Variants in LIPG observed in about 807,000 individuals in gnomAD.
LIPG encodes the protein endothelial lipase.
LIPG carries 34 observed loss-of-function variants against 51.8 expected under a neutral mutation model. The observed-to-expected ratio is 0.66, with a 90% CI of 0.50 to 0.87. The LOEUF (loss-of-function observed/expected upper bound fraction) is 0.87. LIPG is among the 40% of genes least tolerant of loss of function. LIPG has a pLI of 0.00. For missense variants in LIPG, 580 were observed against 652.7 expected, an observed-to-expected ratio of 0.89 and a Z score of 1.21; for synonymous variants, 246 against 246.1, an observed-to-expected ratio of 1.00 and a Z score of 0.00.
At position 49,592,777 on chromosome 18, in the gene LIPG, A is replaced by T. The variant is rs2084958287; in HGVS notation, c.*2255A>T. ...ATAATGATGCTTTTTAAAAAATGCT[A>T]TTTGGAAGACTATTTATTTCTCGTG... On this transcript the variant is annotated 3_prime_UTR_variant, in exon 10 of 10. Coordinates refer to ENST00000261292, the MANE Select transcript of LIPG (RefSeq NM_006033.4). 1 of 152,204 alleles carries T rather than the reference A, an allele frequency of 6.6e-6. No individual in the cohort carries two copies. Among genetic ancestry groups the T allele is most frequent in the African/African-American group, 2.4e-5 (1 of 41,542 alleles). The allele number at this position is 152,204 out of a possible 1,614,324, so 9.4% of individuals were successfully genotyped here.
At position 49,586,657 on chromosome 18, in the gene LIPG, C is replaced by A; in HGVS notation, c.1377-89C>A. The A allele has an allele frequency of 4.4e-6, 4 of 917,300 alleles. No homozygotes were observed. The South Asian group carries it at 5.3e-5, about 12-fold the overall frequency. 56.8% of individuals were successfully genotyped at this position (917,300 alleles called of 1,614,324 possible). Reference sequence around the variant, plus strand: ...GCATGGCATGAAAATTTCACCCCTGCCTCCTCACCCATCTGCCTTGAATCT... The same window carrying A: ...GCATGGCATGAAAATTTCACCCCTGACTCCTCACCCATCTGCCTTGAATCT... On this transcript the variant is annotated intron_variant, in intron 8 of 9. Coordinates refer to ENST00000261292, the MANE Select transcript of LIPG (RefSeq NM_006033.4).
At position 49,576,453 on chromosome 18, in the gene LIPG, C is replaced by A. The variant is rs1351270870; in HGVS notation, c.793+863C>A. Among the ~76,000 whole-genome samples, 6 of 40,630 alleles carry A rather than the reference C, an allele frequency of 1.5e-4. No homozygotes were observed. The South Asian group carries it at 2.8e-3, about 19-fold the overall frequency. The allele number at this position is 40,630 out of a possible 152,430, so 26.7% of individuals were successfully genotyped here. ...CTTTTCTTTTTTTAAAAGACAGAAT[C>A]TTGCTTTTTTTTTTTTTTTTTTTTT... On this transcript the variant is annotated intron_variant, in intron 5 of 9. Transcript: ENST00000261292.
At chr18:49,590,390 G>C in intron 9 of LIPG, 111 bp from the exon 10 acceptor site, 1 of 1,090,454 alleles carries the variant, frequency 9.2e-7, no homozygotes, top group Non-Finnish European at 1.4e-6. Context: ...TAGTCCCATA[G>C]GGGTGTCAGA....
chr18:49,591,449 TGCTGGG>T lies in LIPG; in HGVS notation c.*930_*935del, dbSNP rs1381995434. The stretch of plus-strand genomic sequence containing the variant: ...AGAATAGCAAGCAGAGTATCATTCA[TGCTGGG>T]GCCAGAATGATGGCCGGTTGCCAGA... On this transcript the variant is annotated 3_prime_UTR_variant, in exon 10 of 10. Transcript: ENST00000261292. 2 of 152,246 alleles carry T rather than the reference TGCTGGG, an allele frequency of 1.3e-5. No individual in the cohort carries two copies. The highest frequency in any genetic ancestry group is 2.9e-5 in the Non-Finnish European group (2 of 68,044). The allele number at this position is 152,246 out of a possible 1,614,324, so 9.4% of individuals were successfully genotyped here.
At chr18:49,583,426 A>G in intron 7 of LIPG, 130 bp from the exon 8 acceptor site, 1 of 754,752 alleles carries the variant, frequency 1.3e-6, no homozygotes, top group East Asian at 2.6e-5. Flanking sequence ...AGAGGGATAG[A>G]GGTGGGGAAA....
chr18:49,562,263 G>C lies in LIPG; in HGVS notation c.-46G>C. 1.9e-6 allele frequency: 3 copies of C among 1,612,180 alleles called. No individual in the cohort carries two copies. Among genetic ancestry groups the C allele is most frequent in the Non-Finnish European group, 2.5e-6 (3 of 1,179,936 alleles). On this transcript the variant is annotated 5_prime_UTR_variant, in exon 1 of 10. Coordinates refer to ENST00000261292, the MANE Select transcript of LIPG (RefSeq NM_006033.4). Reference sequence around the variant, plus strand: ...CTGGAAACACCAAGAGGTGGTTTTTGTTTTTTAAAACTTCTGTTTCTTGGG... The same window carrying C: ...CTGGAAACACCAAGAGGTGGTTTTTCTTTTTTAAAACTTCTGTTTCTTGGG...
intron 9 of LIPG, 26 bp downstream of exon 9, chr18:49,586,876 C>A: frequency 6.6e-7 from 1 of 1,512,160 alleles, no homozygotes; most frequent in Non-Finnish European, 9.2e-7. Flanking sequence ...TCACACGTTC[C>A]ACCCAGGACA....
rs2084640633 is a variant in LIPG at position 49,569,469 on chromosome 18, C to T, written c.492C>T (p.His164=). ...EKDDFSLGNV[H]LIGYSLGAHV... ...ACGATTTTTCTCTCGGGAATGTCCA[C>T]TTGATCGGCTACAGCCTCGGAGCGC... is the stretch of plus-strand genomic sequence containing the variant. The change falls in exon 4 of 10, where the codon CAC becomes CAT. Residue 164 remains histidine, a synonymous_variant. Transcript: ENST00000261292. 7 of 1,614,214 alleles carry T rather than the reference C, an allele frequency of 4.3e-6. No homozygotes were observed. Among genetic ancestry groups the T allele is most frequent in the Non-Finnish European group, 5.9e-6 (7 of 1,180,050 alleles).
rs1227478277 is a variant in LIPG at position 49,597,838 on chromosome 18, G to C, written c.*7316G>C. Reference sequence around the variant, plus strand: ...CAGATGCCATATGAGAAAGGGCTGAGGCCAGGAACAGAGGCAGGGTTATCT... The same window carrying C: ...CAGATGCCATATGAGAAAGGGCTGACGCCAGGAACAGAGGCAGGGTTATCT... On this transcript the variant is annotated 3_prime_UTR_variant, in exon 10 of 10. Transcript: ENST00000261292. 1 of 152,270 alleles carries C rather than the reference G, an allele frequency of 6.6e-6. No homozygotes were observed. 9.4% of individuals were successfully genotyped at this position (152,270 alleles called of 1,614,324 possible).
chr18:49,581,744 C>A (rs2084823218), intron 6 of LIPG, 87 bp downstream of exon 6: 1 of 1,530,300 alleles, frequency 6.5e-7, no homozygotes, highest in Non-Finnish European at 8.9e-7. Flanking sequence ...CACATCCTAG[C>A]CCAGGAGAAG....
rs2084988252 is a variant in LIPG, at chr18:49,597,413, G to C, written c.*6891G>C. On this transcript the variant is annotated 3_prime_UTR_variant, in exon 10 of 10. Coordinates refer to ENST00000261292, the MANE Select transcript of LIPG (RefSeq NM_006033.4). ...GGTGTCGGTGCCCTCTTTTGTAACT[G>C]TGGGTTATCTATAGATTGGGGGTGG... The C allele has an allele frequency of 6.6e-6, 1 of 152,168 alleles. No homozygotes were observed. Among genetic ancestry groups the C allele is most frequent in the Admixed American group, 6.5e-5 (1 of 15,274 alleles). 9.4% of individuals were successfully genotyped at this position (152,168 alleles called of 1,614,324 possible).
rs1334409550 is a variant in LIPG, at chr18:49,595,843, A to G, written c.*5321A>G. ...ACTCCATCTCAAAATAAAATAAAAT[A>G]GAATAGAATAAAATAAAATCCTTTC... On this transcript the variant is annotated 3_prime_UTR_variant, in exon 10 of 10. Coordinates refer to ENST00000261292, the MANE Select transcript of LIPG (RefSeq NM_006033.4). 1 of 152,198 alleles carries G rather than the reference A, an allele frequency of 6.6e-6. No homozygotes were observed. Among genetic ancestry groups the G allele is most frequent in the Non-Finnish European group, 1.5e-5 (1 of 68,038 alleles). 9.4% of individuals were successfully genotyped at this position (152,198 alleles called of 1,614,324 possible).
At chr18:49,586,705 C>T (rs764422469) in intron 8 of LIPG, 41 bp from the exon 9 acceptor site, 2 of 1,439,092 alleles carry the variant, frequency 1.4e-6, no homozygotes, top group Non-Finnish European at 2.0e-6. Flanking sequence ...TGGATTCCCC[C>T]TAAAGTTCTG....
chr18:49,579,000 TGG>T (rs1337525047), intron 5 of LIPG, among the ~76,000 whole-genome samples: 1 of 73,856 alleles, frequency 1.4e-5, no homozygotes, highest in African/African-American at 6.2e-5. Context: ...AGGGAGACCG[TGG>T]GGAGAGGGAG....
At chr18:49,577,030 T>A (rs113022777) in intron 5 of LIPG, among the ~76,000 whole-genome samples, 17,263 of 152,018 alleles carry the variant, frequency 0.11, 1,085 homozygotes, top group Middle Eastern at 0.21. Context: ...TTATTTATTT[T>A]TTTTTTATTG....
rs2084967812 is a variant in LIPG, at chr18:49,594,142, TG to T, written c.*3621del. The stretch of plus-strand genomic sequence containing the variant: ...TTTCGTTTGGTGTTTTTTGTTTTTT[TG>T]TTTTTTTTTGAGATGGAGTCTTGCT... On this transcript the variant is annotated 3_prime_UTR_variant, in exon 10 of 10. Coordinates refer to ENST00000261292, the MANE Select transcript of LIPG (RefSeq NM_006033.4). 7.0e-6 allele frequency: 1 copy of T among 142,150 alleles called. No individual in the cohort carries two copies. The highest frequency in any genetic ancestry group is 7.0e-5 in the Admixed American group (1 of 14,304). 8.8% of individuals were successfully genotyped at this position (142,150 alleles called of 1,614,324 possible).
In LIPG at chr18:49,590,639, T is replaced by C; in HGVS notation, c.*117T>C. On this transcript the variant is annotated 3_prime_UTR_variant, in exon 10 of 10. Transcript: ENST00000261292. ...GAAGGATTCTTCTCAGCCTTGACCC[T>C]GGAGCACTGGGAACAACTGGTCTCC... is the stretch of plus-strand genomic sequence containing the variant. 2 of 1,091,294 alleles carry C rather than the reference T, an allele frequency of 1.8e-6. No homozygotes were observed. Among genetic ancestry groups the C allele is most frequent in the Non-Finnish European group, 2.7e-6 (2 of 731,542 alleles). The allele number at this position is 1,091,294 out of a possible 1,614,324, so 67.6% of individuals were successfully genotyped here. A position where few individuals can be genotyped will look rare whatever the true frequency, so the allele number is the denominator to read the frequency against.
Position 49,585,667 on chromosome 18 carries a change from C to A in LIPG, c.1377-1079C>A, listed in dbSNP as rs145585632. ...GTGCACATGTGTGTAAGGGCTGTTT[C>A]TCAGCATGTGTTCTAAAAAGTGGAA... On this transcript the variant is annotated intron_variant, in intron 8 of 9. Transcript: ENST00000261292. Among the ~76,000 whole-genome samples the A allele has an allele frequency of 4.1e-3, 625 of 152,320 alleles. 5 individuals carry two copies. The highest frequency in any genetic ancestry group is 0.014 in the African/African-American group (599 of 41,572).
In LIPG at chr18:49,569,491, G is replaced by A; in HGVS notation, c.514G>A (p.Ala172Thr). ...CCACTTGATCGGCTACAGCCTCGGA[G>A]CGCACGTGGCCGGGTATGCAGGCAA... is the stretch of plus-strand genomic sequence containing the variant. ...NVHLIGYSLG[A>T]HVAGYAGNFV... is the part of the protein sequence containing the mutation. Residue 172 changes from alanine (A) to threonine (T), a missense_variant, in exon 4 of 10, where the codon GCG becomes ACG. Coordinates refer to ENST00000261292, the MANE Select transcript of LIPG (RefSeq NM_006033.4). 6.2e-7 allele frequency: 1 copy of A among 1,614,218 alleles called. No individual in the cohort carries two copies.
Sources: allele counts gnomAD v4.1 joint callset (sites outside exome capture counted in the v4.1 genomes callset), GRCh38; gene constraint gnomAD v4.1.1; transcripts MANE v1.5; gene names NCBI Gene and HGNC (gene_info 2026-07-23, HGNC 2026-07-21).